Variants in APMAP observed in about 807,000 individuals in gnomAD.
APMAP encodes adipocyte plasma membrane-associated protein.
Under a neutral mutation model 43.6 loss-of-function variants are expected in APMAP, and 33 were observed. That is an observed-to-expected ratio of 0.76 (90% CI 0.57 to 1.01). APMAP has a LOEUF of 1.01. APMAP is among the 50% of genes least tolerant of loss of function. The pLI, the probability that APMAP is intolerant of heterozygous loss-of-function variation, is 0.00. For synonymous variants in APMAP, 224 were observed against 216.7 expected (o/e 1.03, Z -0.30); for missense variants, 498 against 540.7 (o/e 0.92, Z 0.78).
chr20:24,990,433 ACAAAG>A (rs2088182356), intron 1 of APMAP, among the ~76,000 whole-genome samples: 1 of 152,298 alleles, frequency 6.6e-6, no homozygotes, highest in South Asian at 2.1e-4. Flanking sequence ...CATCAGCAAA[ACAAAG>A]CAAACACCCA....
At chr20:24,985,429 G>A (rs906688683) in intron 1 of APMAP, among the ~76,000 whole-genome samples, 1 of 152,104 alleles carries the variant, frequency 6.6e-6, no homozygotes, top group Non-Finnish European at 1.5e-5. Context: ...AACCTGAGTG[G>A]GCAGGAAACA....
intron 1 of APMAP, among the ~76,000 whole-genome samples, chr20:24,986,822 T>C (rs2088151807): frequency 6.6e-6 from 1 of 152,222 alleles, no homozygotes; most frequent in African/African-American, 2.4e-5. Context: ...GATGTGACTC[T>C]ATGGCTGCGG....
chr20:24,967,652 C>CT (rs777574796), intron 8 of APMAP, among the ~76,000 whole-genome samples: 12 of 152,252 alleles, frequency 7.9e-5, no homozygotes, highest in Non-Finnish European at 1.6e-4. Context: ...CAGATTCTCA[C>CT]TAAATGTTCC....
At position 24,983,884 on chromosome 20, in the gene APMAP, G is replaced by A. The variant is rs1377293186; in HGVS notation, c.212+19C>T. 1 of 1,555,396 alleles carries A rather than the reference G, an allele frequency of 6.4e-7. No homozygotes were observed. The highest frequency in any genetic ancestry group is 1.4e-5 in the African/African-American group (1 of 73,168). On this transcript the variant is annotated intron_variant, in intron 2 of 8. Transcript: ENST00000217456. ...CATTTTGTCAAGCAACCCCTCCTGA[G>A]GACTGCGGGGCAGCCTACCTGAGAG...
chr20:24,969,749 C>T (rs1283862954), intron 6 of APMAP, 89 bp from the exon 7 acceptor site: 48 of 1,472,922 alleles, frequency 3.3e-5, no homozygotes, highest in Non-Finnish European at 4.3e-5. Flanking sequence ...GAAGGTGACT[C>T]CGCCTCACCC....
intron 8 of APMAP, chr20:24,964,356 C>A (rs1205915331): frequency 1.9e-6 from 1 of 522,680 alleles, no homozygotes. Context: ...AGCCAAGGCT[C>A]AGAATGACCT....
intron 8 of APMAP, 24 bp from the exon 9 acceptor site, chr20:24,964,046 A>G: frequency 6.2e-7 from 1 of 1,611,144 alleles, no homozygotes; most frequent in Non-Finnish European, 8.5e-7. Context: ...CAGTGCAGGG[A>G]AAGTTCACCA....
At chr20:24,979,407 C>T (rs2122513650) in intron 2 of APMAP, among the ~76,000 whole-genome samples, 1 of 152,312 alleles carries the variant, frequency 6.6e-6, no homozygotes, top group South Asian at 2.1e-4. Flanking sequence ...TTCTCGAGGC[C>T]CACCAGGCTC....
chr20:24,966,394 G>A (rs1206694681), intron 8 of APMAP, among the ~76,000 whole-genome samples: 1 of 152,184 alleles, frequency 6.6e-6, no homozygotes, highest in Non-Finnish European at 1.5e-5. Context: ...TCAGTAATTA[G>A]ACATGAAAGA....
intron 2 of APMAP, among the ~76,000 whole-genome samples, chr20:24,981,539 G>A (rs2088104783): frequency 1.3e-5 from 2 of 152,198 alleles, no homozygotes; most frequent in Admixed American, 1.3e-4. Flanking sequence ...CGGGTCTCCT[G>A]TTGGCCCTGC....
chr20:24,990,738 C>T (rs1309456005), intron 1 of APMAP, among the ~76,000 whole-genome samples: 1 of 151,648 alleles, frequency 6.6e-6, no homozygotes, highest in Non-Finnish European at 1.5e-5. Context: ...GAAATGACCA[C>T]AAAATAAATG....
intron 5 of APMAP, among the ~76,000 whole-genome samples, chr20:24,970,947 G>A (rs964095418): frequency 1.8e-4 from 28 of 152,218 alleles, no homozygotes; most frequent in Admixed American, 1.7e-3. Flanking sequence ...GCCTATGTTC[G>A]GGCCCCCACG....
intron 5 of APMAP, 23 bp downstream of exon 5, chr20:24,971,436 AG>A (rs2087998866): frequency 6.3e-7 from 1 of 1,579,200 alleles, no homozygotes; most frequent in East Asian, 2.2e-5. Context: ...TCTTCATAGA[AG>A]GAAACGAGAT....
intron 3 of APMAP, among the ~76,000 whole-genome samples, chr20:24,974,793 AC>A (rs1272763344): frequency 2.6e-5 from 4 of 152,224 alleles, no homozygotes; most frequent in Non-Finnish European, 4.4e-5. Flanking sequence ...CCTCAAAAAA[AC>A]ATAAGAACCT....
intron 1 of APMAP, among the ~76,000 whole-genome samples, chr20:24,985,171 C>T (rs2122525814): frequency 6.6e-6 from 1 of 152,320 alleles, no homozygotes; most frequent in South Asian, 2.1e-4. Flanking sequence ...CCAAAACCCA[C>T]AGTTTCCCCC....
intron 3 of APMAP, 31 bp from the exon 4 acceptor site, chr20:24,973,768 A>T (rs1365662329): frequency 3.1e-6 from 5 of 1,597,622 alleles, no homozygotes; most frequent in Non-Finnish European, 4.3e-6. Context: ...GAGGAAGAGC[A>T]ATGTTAGCCT....
At chr20:24,968,793 T>C (rs1368842517) in intron 8 of APMAP, 99 bp downstream of exon 8, 12 of 1,220,728 alleles carry the variant, frequency 9.8e-6, no homozygotes, top group Non-Finnish European at 1.3e-5. Flanking sequence ...CAGAGCCAAA[T>C]ACTACAAGCA....
chr20:24,992,359 G>A (rs754324000), intron 1 of APMAP, among the ~76,000 whole-genome samples: 2 of 152,230 alleles, frequency 1.3e-5, no homozygotes, highest in African/African-American at 2.4e-5. Context: ...AGGACAACGC[G>A]GCGACTGGGC....
At chr20:24,964,736 C>G (rs914907762) in intron 8 of APMAP, among the ~76,000 whole-genome samples, 1 of 152,154 alleles carries the variant, frequency 6.6e-6, no homozygotes, top group African/African-American at 2.4e-5. Context: ...ACAAAGCACT[C>G]CACTGCCTAA....
Sources: allele counts gnomAD v4.1 joint callset (sites outside exome capture counted in the v4.1 genomes callset), GRCh38; gene constraint gnomAD v4.1.1; transcripts MANE v1.5; gene names NCBI Gene and HGNC (gene_info 2026-07-23, HGNC 2026-07-21).